ANKRD28: variants seen among roughly 807,000 people sequenced by gnomAD.
The protein encoded by ANKRD28 is ankyrin repeat domain 28.
A neutral mutation model predicts 126.5 loss-of-function variants in ANKRD28; 44 were observed. The observed-to-expected ratio is 0.35, with a 90% CI of 0.27 to 0.45. ANKRD28 has a LOEUF of 0.45. ANKRD28 is among the 20% of genes least tolerant of loss of function. ANKRD28 has a pLI of 1.00. For missense variants in ANKRD28, 1,110 were observed against 1,316.6 expected, an observed-to-expected ratio of 0.84 and a Z score of 2.43; for synonymous variants, 442 against 468.5, an observed-to-expected ratio of 0.94 and a Z score of 0.73.
At chr3:15,713,683 GA>G (rs757065711) in intron 9 of ANKRD28, 42 bp from the exon 10 acceptor site, 1 of 1,342,742 alleles carries the variant, frequency 7.4e-7, no homozygotes, top group East Asian at 2.5e-5. Flanking sequence ...ACCATATAAA[GA>G]TCAGGTCAAA....
intron 6 of ANKRD28, among the ~76,000 whole-genome samples, chr3:15,727,310 C>T (rs2074241338): frequency 6.6e-6 from 1 of 152,038 alleles, no homozygotes; most frequent in African/African-American, 2.4e-5. Context: ...GGTGCGGTGC[C>T]TCACGCCTGT....
At chr3:15,850,842 C>T (rs1024716398) in intron 1 of ANKRD28, among the ~76,000 whole-genome samples, 1 of 152,200 alleles carries the variant, frequency 6.6e-6, no homozygotes, top group African/African-American at 2.4e-5. Flanking sequence ...ATGGGAACTC[C>T]AATTTATAGC....
At chr3:15,784,605 A>AATAGGAACAAAAACC (rs2059688426) in intron 2 of ANKRD28, among the ~76,000 whole-genome samples, 1 of 151,994 alleles carries the variant, frequency 6.6e-6, no homozygotes, top group African/African-American at 2.4e-5. Flanking sequence ...ATGGACGACC[A>AATAGGAACAAAAACC]ATGGTAACAA....
intron 3 of ANKRD28, among the ~76,000 whole-genome samples, chr3:15,755,947 A>G (rs4128307): frequency 0.14 from 20,879 of 152,248 alleles, 2,154 homozygotes; most frequent in East Asian, 0.58. Context: ...GACAACACAC[A>G]TAGCAATTTA....
intron 1 of ANKRD28, among the ~76,000 whole-genome samples, chr3:15,811,295 GACTTAAGT>G (rs2060706693): frequency 6.6e-6 from 1 of 152,076 alleles, no homozygotes; most frequent in African/African-American, 2.4e-5. Context: ...AGACTCTATA[GACTTAAGT>G]ACTCAACTCA....
At chr3:15,763,537 T>C (rs2058595866) in intron 3 of ANKRD28, among the ~76,000 whole-genome samples, 1 of 152,014 alleles carries the variant, frequency 6.6e-6, no homozygotes, top group Non-Finnish European at 1.5e-5. Context: ...CAATAAACAC[T>C]AGGAGAAAAG....
At chr3:15,780,427 AAAT>A in intron 2 of ANKRD28, among the ~76,000 whole-genome samples, 1 of 152,308 alleles carries the variant, frequency 6.6e-6, no homozygotes, top group Admixed American at 6.5e-5. Context: ...AAGAAAACAC[AAAT>A]AAATGAGAAG....
At chr3:15,793,099 C>T (rs2060109195) in intron 2 of ANKRD28, among the ~76,000 whole-genome samples, 1 of 152,102 alleles carries the variant, frequency 6.6e-6, no homozygotes. Context: ...CGTTATTCTC[C>T]AAATACTTAT....
At chr3:15,771,140 T>G (rs965734391) in intron 2 of ANKRD28, among the ~76,000 whole-genome samples, 1 of 151,822 alleles carries the variant, frequency 6.6e-6, no homozygotes, top group Non-Finnish European at 1.5e-5. Flanking sequence ...CAGGGCGCAG[T>G]GGCTCGTGCC....
chr3:15,800,004 G>C (rs1377951559), upstream of ANKRD28, among the ~76,000 whole-genome samples: 2 of 152,066 alleles, frequency 1.3e-5, no homozygotes, highest in Admixed American at 1.3e-4. Flanking sequence ...AACAAAGTGA[G>C]TTTCATATCT....
Position 15,839,599 on chromosome 3 carries a change from G to T in ANKRD28, c.27+19778C>A, listed in dbSNP as rs886258600. Among the ~76,000 whole-genome samples the T allele has an allele frequency of 2.2e-4, 34 of 151,290 alleles. 5 individuals are homozygous for T. Among genetic ancestry groups the T allele is most frequent in the Admixed American group, 9.9e-4 (15 of 15,212 alleles). ...CAGACAAAGACACATTAAAAAAAAA[G>T]AAAACGATAGGCCAATATCACTGAG... On this transcript the variant is annotated intron_variant, in intron 1 of 27. Coordinates refer to the ANKRD28 transcript ENST00000399451. The surrounding 1 kb of genome is among the most constrained non-coding windows in gnomAD (Gnocchi z 4.3).
At chr3:15,850,436 G>A (rs1162774019) in intron 1 of ANKRD28, among the ~76,000 whole-genome samples, 2 of 152,054 alleles carry the variant, frequency 1.3e-5, no homozygotes, top group Non-Finnish European at 2.9e-5. Flanking sequence ...TCTCACAGTT[G>A]TGGAGAGTAC....
In ANKRD28 at chr3:15,797,649, T is replaced by C. The variant is rs1399692739; in HGVS notation, c.-1128A>G. ...TGAATACAGCTTCCATTAAACAGTC[T>C]TCATTCAGAGAAAAAAATAGCAGAC... On this transcript the variant is annotated 5_prime_UTR_variant, in exon 1 of 28. Transcript: ENST00000683139. 9 of 985,400 alleles carry C rather than the reference T, an allele frequency of 9.1e-6. No individual in the cohort carries two copies. The highest frequency in any genetic ancestry group is 1.1e-5 in the Non-Finnish European group (9 of 829,912). 61.0% of individuals were successfully genotyped at this position (985,400 alleles called of 1,614,324 possible).
At chr3:15,847,533 C>T (rs2061554663) in intron 1 of ANKRD28, among the ~76,000 whole-genome samples, 1 of 152,144 alleles carries the variant, frequency 6.6e-6, no homozygotes, top group African/African-American at 2.4e-5. Flanking sequence ...CCTACAAGGA[C>T]CTCAATATAT....
intron 14 of ANKRD28, among the ~76,000 whole-genome samples, chr3:15,700,423 G>C (rs988287558): frequency 4.0e-5 from 6 of 151,322 alleles, no homozygotes; most frequent in Non-Finnish European, 5.9e-5. Flanking sequence ...CCTGCACGTT[G>C]TGCACATGTA....
chr3:15,734,472 C>T (rs977932269), intron 6 of ANKRD28, among the ~76,000 whole-genome samples: 5 of 152,238 alleles, frequency 3.3e-5, no homozygotes, highest in African/African-American at 9.6e-5. Flanking sequence ...CTTTTTCCCA[C>T]CCAGGAGTTA....
In ANKRD28 at chr3:15,728,012, A is replaced by C. The variant is rs189818909; in HGVS notation, c.641-3488T>G. ...TACAGAGAAATCTTTTGTGAAGGGA[A>C]GAGTCCATCGATGCAGCACATCTTT... On this transcript the variant is annotated intron_variant, in intron 6 of 27. Coordinates refer to ENST00000683139, the MANE Select transcript of ANKRD28 (RefSeq NM_001349278.2). Among the ~76,000 whole-genome samples the C allele has an allele frequency of 3.9e-4, 60 of 152,344 alleles. No homozygotes were observed. In the East Asian group the frequency reaches 0.011, roughly 29 times the overall value.
intron 1 of ANKRD28, among the ~76,000 whole-genome samples, chr3:15,834,360 T>C (rs2061274601): frequency 1.3e-5 from 2 of 152,190 alleles, no homozygotes; most frequent in Admixed American, 1.3e-4. Flanking sequence ...TAGCTGGTTG[T>C]AGGTATGTGG....
chr3:15,708,208 G>T, intron 13 of ANKRD28, 144 bp from the exon 14 acceptor site: 1 of 909,094 alleles, frequency 1.1e-6, no homozygotes, highest in Non-Finnish European at 1.6e-6. Context: ...TCTTGCGGAG[G>T]ACTGGACATA....
Sources: gnomAD v4.1 joint callset for allele counts (sites outside exome capture counted in the v4.1 genomes callset) on GRCh38, gnomAD v4.1.1 for gene constraint, Gnocchi (gnomAD v3.1) non-coding constraint, MANE v1.5 for transcripts, NCBI Gene and HGNC (gene_info 2026-07-23, HGNC 2026-07-21) for gene names.